The following SHANK2 variants were observed in gnomAD, a reference collection of about 807,000 sequenced individuals.
The protein encoded by SHANK2 is SH3 and multiple ankyrin repeat domains 2.
SHANK2 carries 43 observed loss-of-function variants against 133.7 expected under a neutral mutation model. That is an observed-to-expected ratio of 0.32 (90% confidence interval 0.25 to 0.41). SHANK2 has a LOEUF of 0.41. SHANK2 is among the 10% of genes least tolerant of loss of function. The pLI is 1.00. For missense variants in SHANK2, 1,994 were observed against 2,235.8 expected (o/e 0.89, Z 2.18); for synonymous variants, 1,017 against 952.8 (o/e 1.07, Z -1.24).
intron 2 of SHANK2, among the ~76,000 whole-genome samples, chr11:71,196,763 C>T (rs1431993104): frequency 2.6e-5 from 4 of 151,466 alleles, no homozygotes; most frequent in East Asian, 2.0e-4. Context: ...TTTGGGAGGC[C>T]GAGGCAGGCA....
At chr11:70,744,873 C>T (rs1555035639) in intron 14 of SHANK2, among the ~76,000 whole-genome samples, 1 of 152,226 alleles carries the variant, frequency 6.6e-6, no homozygotes. Flanking sequence ...GCGATAAGCA[C>T]TGTCTTGCTC....
At chr11:70,557,416 G>A (rs1329463838) in intron 17 of SHANK2, among the ~76,000 whole-genome samples, 2 of 152,198 alleles carry the variant, frequency 1.3e-5, no homozygotes, top group African/African-American at 4.8e-5. Context: ...CTCACATGGA[G>A]GGCGTTCCAT....
chr11:70,826,369 T>C (rs1948639963), intron 11 of SHANK2: 2 of 451,208 alleles, frequency 4.4e-6, no homozygotes, highest in Non-Finnish European at 9.2e-6. Context: ...CAACTGGCAA[T>C]TTTAGGAGGA....
At chr11:70,540,728 G>T (rs2059609855) in intron 17 of SHANK2, among the ~76,000 whole-genome samples, 1 of 151,792 alleles carries the variant, frequency 6.6e-6, no homozygotes, top group Non-Finnish European at 1.5e-5. Context: ...ACAAAAATTA[G>T]CCGGGTGTGG....
chr11:71,167,719 C>T (rs1487913709), intron 2 of SHANK2, among the ~76,000 whole-genome samples: 4 of 137,180 alleles, frequency 2.9e-5, no homozygotes, highest in African/African-American at 1.1e-4. Context: ...GGCAGAGGGG[C>T]TCCTCACTTC....
At chr11:71,250,356 G>A (rs1948158342) in intron 1 of SHANK2, among the ~76,000 whole-genome samples, 2 of 152,270 alleles carry the variant, frequency 1.3e-5, no homozygotes, top group African/African-American at 4.8e-5. Flanking sequence ...TATATAGACA[G>A]TGCTTCCCAG....
At chr11:70,749,729 G>T (rs904434042) in intron 14 of SHANK2, among the ~76,000 whole-genome samples, 1 of 152,056 alleles carries the variant, frequency 6.6e-6, no homozygotes, top group South Asian at 2.1e-4. Context: ...CAATCCAATG[G>T]ACAGCCTTAG....
chr11:70,718,402 C>T (rs1045256860), intron 14 of SHANK2, among the ~76,000 whole-genome samples: 6 of 152,334 alleles, frequency 3.9e-5, no homozygotes, highest in Admixed American at 2.6e-4. Flanking sequence ...TGGCCCAAGG[C>T]GTGCACTGTG....
chr11:70,566,274 T>C (rs1299635360), intron 17 of SHANK2: 2 of 152,194 alleles, frequency 1.3e-5, no homozygotes, highest in African/African-American at 2.4e-5. Context: ...CCATATCAAA[T>C]ACCATGATGA....
chr11:70,576,505 T>C (rs995070884), intron 17 of SHANK2, among the ~76,000 whole-genome samples: 35 of 152,166 alleles, frequency 2.3e-4, no homozygotes, highest in African/African-American at 7.2e-4. Flanking sequence ...GGCGTGGTGG[T>C]GGGTGCCTGC....
Position 71,173,065 on chromosome 11 carries a change from A to G in SHANK2, c.-12-25727T>C, listed in dbSNP as rs117762788. 1.0e-3 allele frequency among the ~76,000 whole-genome samples: 153 copies of G among 152,338 alleles called. 1 individual carries two copies. In the East Asian group the frequency reaches 0.026, roughly 26 times the overall value. Reference sequence around the variant, plus strand: ...TGCCCTGTCGTCTCTTAGCAGGGAAAGGCAGAACGCCTTGTTTGATGAAGT... The same window carrying G: ...TGCCCTGTCGTCTCTTAGCAGGGAAGGGCAGAACGCCTTGTTTGATGAAGT... On this transcript the variant is annotated intron_variant, in intron 2 of 25. Transcript: ENST00000601538.
intron 11 of SHANK2, among the ~76,000 whole-genome samples, chr11:70,868,902 G>A (rs956094541): frequency 7.9e-5 from 12 of 152,228 alleles, no homozygotes; most frequent in Non-Finnish European, 1.5e-4. Flanking sequence ...CCAGGTGGGC[G>A]CTGAGTGCTA....
chr11:71,118,649 C>T (rs552526504), intron 4 of SHANK2, among the ~76,000 whole-genome samples, 180 bp downstream of exon 4: 2 of 151,906 alleles, frequency 1.3e-5, no homozygotes, highest in Admixed American at 6.6e-5. Flanking sequence ...GGTGAGATTT[C>T]GGTGGGGACA....
At chr11:71,114,893 C>T (rs1951951022) in intron 4 of SHANK2, among the ~76,000 whole-genome samples, 1 of 152,120 alleles carries the variant, frequency 6.6e-6, no homozygotes, top group African/African-American at 2.4e-5. Flanking sequence ...TCCGCTTGGG[C>T]CCACAGCATC....
chr11:70,661,500 TACACACACAC>T (rs3837380), intron 16 of SHANK2, 86 bp downstream of exon 16: 34,091 of 1,052,002 alleles, frequency 0.032, 324 homozygotes, highest in South Asian at 0.061. Context: ...TGCAGGCGTA[TACACACACAC>T]ACACACACAC....
chr11:71,237,881 C>T (rs528725100), intron 1 of SHANK2, among the ~76,000 whole-genome samples: 44 of 152,258 alleles, frequency 2.9e-4, no homozygotes, highest in Non-Finnish European at 5.9e-4. Flanking sequence ...CCACGAAGGC[C>T]GAAAAGGATG....
intron 12 of SHANK2, among the ~76,000 whole-genome samples, chr11:70,814,483 C>A (rs1336656427): frequency 6.6e-6 from 1 of 152,216 alleles, no homozygotes; most frequent in Non-Finnish European, 1.5e-5. Flanking sequence ...TGACTTGAAG[C>A]CCCTCTGCGG....
intron 13 of SHANK2, among the ~76,000 whole-genome samples, chr11:70,800,161 G>A (rs1852249416): frequency 6.6e-6 from 1 of 152,134 alleles, no homozygotes; most frequent in African/African-American, 2.4e-5. Flanking sequence ...TAGCTGGGAT[G>A]ACAGGCGTGT....
At chr11:70,643,566 GGAAAAAAAAAAAA>G (rs2061216892) in intron 17 of SHANK2, among the ~76,000 whole-genome samples, 1 of 130,562 alleles carries the variant, frequency 7.7e-6, no homozygotes, top group Non-Finnish European at 1.6e-5. Flanking sequence ...ACTCCGTCTC[GGAAAAAAAAAAAA>G]AAAAAAAAGC....
Sources: gnomAD v4.1 joint callset for allele counts (sites outside exome capture counted in the v4.1 genomes callset) on GRCh38, gnomAD v4.1.1 for gene constraint, MANE v1.5 for transcripts, NCBI Gene and HGNC (gene_info 2026-07-23, HGNC 2026-07-21) for gene names.